OPRM1: variants seen among roughly 807,000 people sequenced by gnomAD.
OPRM1 encodes opioid receptor mu 1.
In OPRM1, 27 loss-of-function variants were observed where a neutral mutation model predicts 31.8. The observed-to-expected ratio is 0.85, with a 90% CI of 0.63 to 1.17. OPRM1 has a LOEUF of 1.17. Among genes scored for constraint, OPRM1 ranks in the 50% most tolerant of loss-of-function variants. OPRM1 has a pLI of 0.00. For synonymous variants in OPRM1, 196 were observed against 189.9 expected, an observed-to-expected ratio of 1.03 and a Z score of -0.26; for missense variants, 536 against 511.1, an observed-to-expected ratio of 1.05 and a Z score of -0.47.
At chr6:154,217,926 G>A (rs1441931913) in intron 3 of OPRM1, among the ~76,000 whole-genome samples, 3 of 152,118 alleles carry the variant, frequency 2.0e-5, no homozygotes, top group Non-Finnish European at 2.9e-5. Context: ...GAAGACTGTT[G>A]ACAATAAAGA....
Position 154,233,499 on chromosome 6 carries a change from T to C in OPRM1, c.1165-13194T>C, listed in dbSNP as rs146744117. On this transcript the variant is annotated intron_variant, in intron 3 of 3. Transcript: ENST00000337049. Reference sequence around the variant, plus strand: ...TTTAGATCCAGAGAGACTTTTTTCTTACAAACACCTAGAAATAGATATTCT... The same window carrying C: ...TTTAGATCCAGAGAGACTTTTTTCTCACAAACACCTAGAAATAGATATTCT... Among the ~76,000 whole-genome samples, 439 of 152,282 alleles carry C rather than the reference T, an allele frequency of 2.9e-3. 5 individuals carry two copies. The highest frequency in any genetic ancestry group is 9.7e-3 in the African/African-American group (402 of 41,558).
chr6:154,072,174 G>T (rs2128455354), intron 1 of OPRM1, among the ~76,000 whole-genome samples: 1 of 152,266 alleles, frequency 6.6e-6, no homozygotes, highest in South Asian at 2.1e-4. Flanking sequence ...TATTCTTATT[G>T]GAGGGAAATC....
intron 3 of OPRM1, chr6:154,160,060 G>A (rs1157675327): frequency 6.4e-7 from 1 of 1,571,018 alleles, no homozygotes; most frequent in Non-Finnish European, 8.7e-7. Flanking sequence ...TAGAAAAAAA[G>A]GGGAAGGGGG....
intron 1 of OPRM1, among the ~76,000 whole-genome samples, chr6:154,015,403 A>T (rs1485123755): frequency 6.6e-6 from 1 of 152,130 alleles, no homozygotes; most frequent in Non-Finnish European, 1.5e-5. Context: ...TCAAGTCTAA[A>T]CTGAAAAGAT....
At chr6:154,196,357 G>A (rs1003059948) in intron 3 of OPRM1, among the ~76,000 whole-genome samples, 2 of 152,080 alleles carry the variant, frequency 1.3e-5, no homozygotes, top group African/African-American at 2.4e-5. Context: ...GCTCATTCAT[G>A]TCACTTTCCT....
intron 3 of OPRM1, among the ~76,000 whole-genome samples, chr6:154,113,365 G>T (rs78402340): frequency 6.6e-6 from 1 of 152,128 alleles, no homozygotes; most frequent in Non-Finnish European, 1.5e-5. Flanking sequence ...AAAGAGTGGC[G>T]CCATTGCCAA....
At chr6:154,167,003 C>G in intron 3 of OPRM1, among the ~76,000 whole-genome samples, 1 of 151,932 alleles carries the variant, frequency 6.6e-6, no homozygotes, top group African/African-American at 2.4e-5. Flanking sequence ...TTAGGGTGTT[C>G]AGATGTTCTA....
Position 154,099,108 on chromosome 6 carries a change from G to A in OPRM1, c.1164+7636G>A, listed in dbSNP as rs569381791. Among the ~76,000 whole-genome samples the A allele has an allele frequency of 2.0e-4, 30 of 152,004 alleles. No individual in the cohort carries two copies. The South Asian group carries it at 2.1e-3, about 11-fold the overall frequency. On this transcript the variant is annotated intron_variant, in intron 3 of 3. Coordinates refer to ENST00000330432, the MANE Select transcript of OPRM1 (RefSeq NM_000914.5). ...CAGCCTGGGCAACCTGACGAAAGTC[G>A]ATCTCTGCAAAAAACAAACAAACAA...
intron 3 of OPRM1, among the ~76,000 whole-genome samples, chr6:154,193,460 T>C (rs1802113455): frequency 1.3e-5 from 2 of 152,144 alleles, no homozygotes; most frequent in South Asian, 2.1e-4. Flanking sequence ...AACTCATTCA[T>C]GTAACCACAC....
intron 1 of OPRM1, among the ~76,000 whole-genome samples, chr6:154,070,325 T>A (rs975475130): frequency 7.9e-5 from 12 of 152,192 alleles, no homozygotes; most frequent in African/African-American, 2.9e-4. Context: ...TTGCAAGCCT[T>A]CCACAACACT....
At chr6:154,186,153 C>T (rs1475389420) in intron 3 of OPRM1, among the ~76,000 whole-genome samples, 1 of 152,234 alleles carries the variant, frequency 6.6e-6, no homozygotes, top group Non-Finnish European at 1.5e-5. Flanking sequence ...AAGCCCTCTG[C>T]TGAAGTCCAG....
At chr6:154,229,995 A>C (rs1040964657) in intron 3 of OPRM1, among the ~76,000 whole-genome samples, 1 of 152,188 alleles carries the variant, frequency 6.6e-6, no homozygotes, top group Non-Finnish European at 1.5e-5. Flanking sequence ...TTCCATTTCT[A>C]GGAAGTGTCC....
chr6:154,198,631 TACACACACAC>T (rs3070838), intron 3 of OPRM1, among the ~76,000 whole-genome samples: 203 of 146,804 alleles, frequency 1.4e-3, no homozygotes, highest in African/African-American at 4.7e-3. Flanking sequence ...AAATATTACA[TACACACACAC>T]ACACACACAC....
chr6:154,051,920 A>G (rs1782271032), intron 1 of OPRM1, among the ~76,000 whole-genome samples: 1 of 152,220 alleles, frequency 6.6e-6, no homozygotes, highest in Admixed American at 6.5e-5. Flanking sequence ...AAGACATGGA[A>G]CCAACCCAAA....
At chr6:154,020,961 T>G (rs1392147640) in intron 1 of OPRM1, among the ~76,000 whole-genome samples, 1 of 152,224 alleles carries the variant, frequency 6.6e-6, no homozygotes, top group Non-Finnish European at 1.5e-5. Context: ...TGTTTTTAAT[T>G]TAATGAAGTA....
chr6:154,169,232 G>A (rs952585196), intron 3 of OPRM1, among the ~76,000 whole-genome samples: 2 of 152,074 alleles, frequency 1.3e-5, no homozygotes, highest in African/African-American at 2.4e-5. Context: ...GTGGTGGTGC[G>A]TGCCTGTCAT....
At position 154,123,584 on chromosome 6, in the gene OPRM1, G is replaced by A. The variant is rs995885675; in HGVS notation, c.*4863G>A. On this transcript the variant is annotated 3_prime_UTR_variant, in exon 4 of 4. Coordinates refer to ENST00000330432, the MANE Select transcript of OPRM1 (RefSeq NM_000914.5). The stretch of plus-strand genomic sequence containing the variant: ...TACTCCATAGGCAGCGTAGCCCCAA[G>A]GGCTGCTGGTTGGCTATTTTTGTGG... Among the ~76,000 whole-genome samples the A allele has an allele frequency of 7.2e-5, 11 of 152,326 alleles. No homozygotes were observed. Among genetic ancestry groups the A allele is most frequent in the African/African-American group, 2.6e-4 (11 of 41,574 alleles).
chr6:154,030,611 C>A (rs896998342), intron 1 of OPRM1, among the ~76,000 whole-genome samples: 1 of 150,920 alleles, frequency 6.6e-6, no homozygotes, highest in South Asian at 2.1e-4. Flanking sequence ...ATTTTTAGTA[C>A]AAAAAAAATT....
chr6:154,164,262 G>A (rs1167685120), intron 3 of OPRM1, among the ~76,000 whole-genome samples: 3 of 152,152 alleles, frequency 2.0e-5, no homozygotes, highest in Non-Finnish European at 4.4e-5. Flanking sequence ...AAAATTTTTA[G>A]AACAGGGTCT....
Sources: allele counts gnomAD v4.1 joint callset (sites outside exome capture counted in the v4.1 genomes callset), GRCh38; gene constraint gnomAD v4.1.1; transcripts MANE v1.5; gene names NCBI Gene and HGNC (gene_info 2026-07-23, HGNC 2026-07-21).